Variants in PAN3 observed in about 807,000 individuals in gnomAD.
PAN3 encodes the protein poly(A) specific ribonuclease subunit PAN3, also known as PAN2-PAN3 deadenylation complex subunit PAN3.
PAN3 carries 19 observed loss-of-function variants against 96.2 expected under a neutral mutation model. The ratio of observed to expected loss-of-function variants is 0.20; its 90% CI spans 0.14 to 0.29. PAN3 has a LOEUF of 0.29. Ranked by LOEUF, PAN3 falls within the 10% of genes least tolerant of loss-of-function variation. The pLI is 1.00. For synonymous variants in PAN3, 433 were observed against 406.6 expected (o/e 1.06, Z -0.78); for missense variants, 882 against 1,108.1 (o/e 0.80, Z 2.90).
intron 1 of PAN3, among the ~76,000 whole-genome samples, chr13:28,169,222 C>CTTTTTTTTTTTTTTTTTTTT (rs202200725): frequency 4.8e-4 from 36 of 74,994 alleles, no homozygotes; most frequent in Middle Eastern, 0.014. Context: ...TTTTTGTTTG[C>CTTTTTTTTTTTTTTTTTTTT]TTTTTTTTTT....
rs567931630 is a variant in PAN3, at chr13:28,195,471, C to T, written c.691-1714C>T. Among the ~76,000 whole-genome samples, 255 of 152,102 alleles carry T rather than the reference C, an allele frequency of 1.7e-3. 3 individuals carry two copies. The highest frequency in any genetic ancestry group is 3.9e-4 in the East Asian group (2 of 5,182). On this transcript the variant is annotated intron_variant, in intron 4 of 18. Coordinates refer to ENST00000380958, the MANE Select transcript of PAN3 (RefSeq NM_175854.8). ...TTGAGTAAGTAGGCATTCTAGTTAC[C>T]TTTCTCAATGCAAGTTTAGTTATTT...
chr13:28,270,249 A>G (rs938021772), intron 12 of PAN3, among the ~76,000 whole-genome samples: 7 of 152,352 alleles, frequency 4.6e-5, no homozygotes, highest in Non-Finnish European at 2.9e-5. Flanking sequence ...AGGAAAACAA[A>G]CATTCAACAT....
At chr13:28,190,450 G>T (rs1593439837) in intron 4 of PAN3, among the ~76,000 whole-genome samples, 1 of 151,622 alleles carries the variant, frequency 6.6e-6, no homozygotes, top group South Asian at 2.1e-4. Flanking sequence ...AGATTGGGGG[G>T]TTCTCACTAT....
chr13:28,269,048 T>TAA (rs1187669825), intron 12 of PAN3, among the ~76,000 whole-genome samples: 1 of 152,206 alleles, frequency 6.6e-6, no homozygotes, highest in Non-Finnish European at 1.5e-5. Context: ...CTTTAATTTA[T>TAA]AACTGTGTTT....
At chr13:28,248,444 G>T (rs1027402872) in intron 6 of PAN3, among the ~76,000 whole-genome samples, 3 of 152,074 alleles carry the variant, frequency 2.0e-5, no homozygotes, top group Admixed American at 2.0e-4. Flanking sequence ...CTGGGGCTAG[G>T]ACTTCCAGTA....
At chr13:28,257,838 A>T (rs1182995771) in intron 7 of PAN3, among the ~76,000 whole-genome samples, 1 of 147,346 alleles carries the variant, frequency 6.8e-6, no homozygotes, top group Admixed American at 6.9e-5. Context: ...TTTGAGATGG[A>T]TGTTCGCTAT....
At chr13:28,143,540 T>C (rs939512587) in intron 1 of PAN3, among the ~76,000 whole-genome samples, 1 of 152,240 alleles carries the variant, frequency 6.6e-6, no homozygotes, top group Admixed American at 6.6e-5. Flanking sequence ...TAAGACATGT[T>C]TCAGATAGAA....
chr13:28,170,710 C>G (rs1729503745), intron 1 of PAN3, among the ~76,000 whole-genome samples: 1 of 152,124 alleles, frequency 6.6e-6, no homozygotes, highest in Non-Finnish European at 1.5e-5. Flanking sequence ...ATGGATTGCT[C>G]TGTCATCATC....
intron 6 of PAN3, among the ~76,000 whole-genome samples, chr13:28,233,349 C>G (rs1413312080): frequency 6.6e-6 from 1 of 151,516 alleles, no homozygotes; most frequent in Non-Finnish European, 1.5e-5. Flanking sequence ...TCACTGCAAC[C>G]TTGGCCTCCT....
chr13:28,214,958 A>C (rs1880547278), intron 5 of PAN3: 3 of 1,371,780 alleles, frequency 2.2e-6, no homozygotes, highest in Non-Finnish European at 3.1e-6. Context: ...TGAAACAACT[A>C]ATTGTTGGTG....
Position 28,144,028 on chromosome 13 carries a change from G to A in PAN3, c.430+4941G>A, listed in dbSNP as rs901749319. 1.1e-4 allele frequency among the ~76,000 whole-genome samples: 16 copies of A among 152,006 alleles called. 1 individual carries two copies. Among genetic ancestry groups the A allele is most frequent in the Admixed American group, 9.2e-4 (14 of 15,242 alleles). On this transcript the variant is annotated intron_variant, in intron 1 of 18. Transcript: ENST00000380958. ...TGGAATAATATACTTAGTATATCAT[G>A]AAGGCTTTATAATACTGTTCATTTC...
At chr13:28,162,867 TAA>T (rs879463993) in intron 1 of PAN3, among the ~76,000 whole-genome samples, 2 of 137,948 alleles carry the variant, frequency 1.4e-5, no homozygotes, top group Non-Finnish European at 1.6e-5. Flanking sequence ...CCACCAAGCT[TAA>T]AAAAAAAAAA....
At chr13:28,207,123 T>A (rs1347694381) in intron 5 of PAN3, among the ~76,000 whole-genome samples, 1 of 152,188 alleles carries the variant, frequency 6.6e-6, no homozygotes. Flanking sequence ...TCTTCAAACC[T>A]GTTTTTCATT....
chr13:28,209,079 G>T (rs1336094390), intron 5 of PAN3, among the ~76,000 whole-genome samples: 4 of 152,150 alleles, frequency 2.6e-5, no homozygotes, highest in Non-Finnish European at 5.9e-5. Context: ...CAATGTAAAT[G>T]TTTTGTAAAT....
Position 28,261,451 on chromosome 13 carries a change from T to C in PAN3, c.1404T>C (p.Asp468=). The change falls in exon 9 of 19, where the codon GAT becomes GAC. Residue 468 remains aspartate, a synonymous_variant. Coordinates refer to ENST00000380958, the MANE Select transcript of PAN3 (RefSeq NM_175854.8). ...CAATGGCTCAAATTGATCAAGCAGA[T>C]ATGCCAGGTAAAAAGCAAGTTGATC... ...LITMAQIDQA[D]MPAVPTEVDS... 2 of 1,610,308 alleles carry C rather than the reference T, an allele frequency of 1.2e-6. No individual in the cohort carries two copies. The highest frequency in any genetic ancestry group is 4.5e-5 in the East Asian group (2 of 44,696).
rs143851555 is a variant in PAN3 at position 28,287,990 on chromosome 13, G to A, written c.2391G>A (p.Gln797=). 6.2e-7 allele frequency: 1 copy of A among 1,607,832 alleles called. No homozygotes were observed. Among genetic ancestry groups the A allele is most frequent in the Non-Finnish European group, 8.5e-7 (1 of 1,178,228 alleles). ...LGTINERPEF[Q]KDPTWSETGD... ...AAATGTTCATTTCCCCCAGGTTTCA[G>A]AAGGATCCCACTTGGTCAGAGACTG... The change falls in exon 18 of 19, where the codon CAG becomes CAA. Residue 797 remains glutamine, a synonymous_variant. Coordinates refer to ENST00000380958, the MANE Select transcript of PAN3 (RefSeq NM_175854.8).
At chr13:28,256,192 A>G in intron 6 of PAN3, 100 bp from the exon 7 acceptor site, 5 of 1,268,532 alleles carry the variant, frequency 3.9e-6, no homozygotes, top group Non-Finnish European at 5.5e-6. Flanking sequence ...GATCCCAAAG[A>G]TGATGTTTCT....
chr13:28,158,555 A>G (rs1872509063), intron 1 of PAN3, among the ~76,000 whole-genome samples: 1 of 152,194 alleles, frequency 6.6e-6, no homozygotes, highest in Non-Finnish European at 1.5e-5. Context: ...AGAAGAAGAC[A>G]TATACTCAGC....
intron 4 of PAN3, among the ~76,000 whole-genome samples, chr13:28,194,890 A>T (rs183993254): frequency 8.5e-5 from 13 of 152,322 alleles, no homozygotes; most frequent in Non-Finnish European, 1.3e-4. Context: ...TTTCCAAGGA[A>T]TTAAGTTACT....
Sources: allele counts gnomAD v4.1 joint callset (sites outside exome capture counted in the v4.1 genomes callset), GRCh38; gene constraint gnomAD v4.1.1; transcripts MANE v1.5; gene names NCBI Gene and HGNC (gene_info 2026-07-23, HGNC 2026-07-21).